CCDC85C: variants seen among roughly 807,000 people sequenced by gnomAD.
CCDC85C encodes the protein coiled-coil domain containing 85C.
CCDC85C carries 18 observed loss-of-function variants against 38.3 expected under a neutral mutation model. That is an observed-to-expected ratio of 0.47 (90% confidence interval 0.33 to 0.70). The LOEUF (loss-of-function observed/expected upper bound fraction) is 0.70. CCDC85C is among the 30% of genes least tolerant of loss of function. CCDC85C has a pLI of 0.03. For missense variants in CCDC85C, 566 were observed against 621.2 expected (o/e 0.91, Z 0.94); for synonymous variants, 264 against 293.8 (o/e 0.90, Z 1.04).
chr14:99,541,732 C>A (rs189260102), intron 1 of CCDC85C, among the ~76,000 whole-genome samples: 3,780 of 152,256 alleles, frequency 0.025, 166 homozygotes, highest in African/African-American at 0.086. Flanking sequence ...GCCGTGGGCT[C>A]AGAAACAGGA....
rs1897162950 is a variant in CCDC85C, at chr14:99,512,962, G to A, written c.*2284C>T. 1 of 152,242 alleles carries A rather than the reference G, an allele frequency of 6.6e-6. No individual in the cohort carries two copies. The highest frequency in any genetic ancestry group is 1.5e-5 in the Non-Finnish European group (1 of 68,048). 9.4% of individuals were successfully genotyped at this position (152,242 alleles called of 1,614,324 possible). A position where few individuals can be genotyped will look rare whatever the true frequency, so the allele number is the denominator to read the frequency against. On this transcript the variant is annotated 3_prime_UTR_variant, in exon 6 of 6. Transcript: ENST00000380243. ...TTTGAGATGTGACAGTCGCCGACAG[G>A]GTTCTGTCCTAGAAAGCCATCCCAG...
Position 99,503,113 on chromosome 14 carries a change from T to TC in CCDC85C, c.*12132dup. 9.4e-7 allele frequency: 1 copy of TC among 1,062,998 alleles called. No individual in the cohort carries two copies. Among genetic ancestry groups the TC allele is most frequent in the East Asian group, 2.4e-5 (1 of 42,096 alleles). 65.8% of individuals were successfully genotyped at this position (1,062,998 alleles called of 1,614,324 possible). On this transcript the variant is annotated 3_prime_UTR_variant, in exon 6 of 6. Transcript: ENST00000380243. ...AGGGGGTGTTCGCCGAAACTCGCAG[T>TC]CCGACTGCTTGTCGGTGGGGAGCCT...
chr14:99,590,598 T>A (rs1243785335), intron 1 of CCDC85C, among the ~76,000 whole-genome samples: 3 of 151,998 alleles, frequency 2.0e-5, no homozygotes, highest in Admixed American at 6.5e-5. Flanking sequence ...TTCCTGGTGG[T>A]CTAGTGGCTT....
intron 1 of CCDC85C, among the ~76,000 whole-genome samples, chr14:99,585,235 G>A (rs2055014078): frequency 6.6e-6 from 1 of 152,198 alleles, no homozygotes; most frequent in Non-Finnish European, 1.5e-5. Context: ...CTGGGTGCTG[G>A]GGTCAAAGGT....
chr14:99,525,355 C>A lies in CCDC85C; in HGVS notation c.868-3115G>T, dbSNP rs562612924. Among the ~76,000 whole-genome samples the A allele has an allele frequency of 2.0e-5, 3 of 152,268 alleles. No homozygotes were observed. In the East Asian group the frequency reaches 5.8e-4, roughly 29 times the overall value. ...TATGTGGGGCCACCCTGGGGTGACC[C>A]CTAGGGAGCATTGTCAGAGGGGATG... On this transcript the variant is annotated intron_variant, in intron 2 of 5. Coordinates refer to ENST00000380243, the MANE Select transcript of CCDC85C (RefSeq NM_001144995.2).
At chr14:99,549,038 C>T (rs1390036813) in intron 1 of CCDC85C, among the ~76,000 whole-genome samples, 2 of 152,114 alleles carry the variant, frequency 1.3e-5, no homozygotes, top group Non-Finnish European at 2.9e-5. Flanking sequence ...TGGGAAAAGT[C>T]GGGGAGGGAG....
intron 1 of CCDC85C, among the ~76,000 whole-genome samples, chr14:99,593,372 G>A (rs897607354): frequency 2.0e-5 from 3 of 152,214 alleles, no homozygotes; most frequent in Admixed American, 6.5e-5. Flanking sequence ...CGGTGCCACC[G>A]GCCCTGCCTG....
rs566196761 is a variant in CCDC85C at position 99,502,129 on chromosome 14, T to G, written c.*13117A>C. Reference sequence around the variant, plus strand: ...GGAGAATAAGCAAATTAATGGTTAGTTATGGCATCTCCATGCACTGGTTTA... The same window carrying G: ...GGAGAATAAGCAAATTAATGGTTAGGTATGGCATCTCCATGCACTGGTTTA... On this transcript the variant is annotated 3_prime_UTR_variant, in exon 6 of 6. Transcript: ENST00000380243. 7.0e-7 allele frequency: 1 copy of G among 1,419,494 alleles called. No homozygotes were observed. The highest frequency in any genetic ancestry group is 2.8e-5 in the Admixed American group (1 of 35,844). The allele number at this position is 1,419,494 out of a possible 1,614,324, so 87.9% of individuals were successfully genotyped here.
At position 99,511,748 on chromosome 14, in the gene CCDC85C, G is replaced by A. The variant is rs1897135441; in HGVS notation, c.*3498C>T. ...GTGCCTGCCTTGGTTTCCTTTGGAG[G>A]ACCTGGTTGAGTTCCAAACCAGTTT... On this transcript the variant is annotated 3_prime_UTR_variant, in exon 6 of 6. Transcript: ENST00000380243. The A allele has an allele frequency of 6.5e-6, 1 of 152,710 alleles. No individual in the cohort carries two copies. Among genetic ancestry groups the A allele is most frequent in the Admixed American group, 6.5e-5 (1 of 15,288 alleles). 9.5% of individuals were successfully genotyped at this position (152,710 alleles called of 1,614,324 possible). A position where few individuals can be genotyped will look rare whatever the true frequency, so the allele number is the denominator to read the frequency against.
At chr14:99,526,795 A>G (rs147793835) in intron 2 of CCDC85C, among the ~76,000 whole-genome samples, 4 of 152,276 alleles carry the variant, frequency 2.6e-5, no homozygotes, top group African/African-American at 9.6e-5. Context: ...GTGCTGGAAG[A>G]CAGTGCACCC....
Position 99,548,514 on chromosome 14 carries a change from G to A in CCDC85C, c.794-12426C>T, listed in dbSNP as rs1360404543. Among the ~76,000 whole-genome samples the A allele has an allele frequency of 6.6e-6, 1 of 151,964 alleles. No individual in the cohort carries two copies. The highest frequency in any genetic ancestry group is 1.5e-5 in the Non-Finnish European group (1 of 68,006). On this transcript the variant is annotated intron_variant, in intron 1 of 5. Coordinates refer to ENST00000380243, the MANE Select transcript of CCDC85C (RefSeq NM_001144995.2). This position sits in a 1 kb window ranked among gnomAD's most constrained non-coding sequence, Gnocchi z 4.9. The stretch of plus-strand genomic sequence containing the variant: ...ATGCTCACACCCTTGACAAAGCCCA[G>A]CACAAGCGCCCAACGAGACAGGCAC...
intron 1 of CCDC85C, among the ~76,000 whole-genome samples, chr14:99,578,767 T>A (rs1446843537): frequency 6.6e-6 from 1 of 152,224 alleles, no homozygotes; most frequent in Non-Finnish European, 1.5e-5. Context: ...TTTCCTCTAA[T>A]ACAAGCGCTG....
chr14:99,540,846 C>T (rs943199064), intron 1 of CCDC85C, among the ~76,000 whole-genome samples: 2 of 152,170 alleles, frequency 1.3e-5, no homozygotes, highest in African/African-American at 4.8e-5. Flanking sequence ...TGGGGGGAGT[C>T]ACAGAGCCTG....
At position 99,513,565 on chromosome 14, in the gene CCDC85C, G is replaced by T. The variant is rs1897173373; in HGVS notation, c.*1681C>A. The T allele has an allele frequency of 6.6e-6, 1 of 152,312 alleles. No individual in the cohort carries two copies. The highest frequency in any genetic ancestry group is 2.4e-5 in the African/African-American group (1 of 41,448). 9.4% of individuals were successfully genotyped at this position (152,312 alleles called of 1,614,324 possible). A position where few individuals can be genotyped will look rare whatever the true frequency, so the allele number is the denominator to read the frequency against. ...TGAGCCTTTCCCCTGAGAGCAAACG[G>T]GCAGCAAGAACTGCTCAGAATAGAG... On this transcript the variant is annotated 3_prime_UTR_variant, in exon 6 of 6. Coordinates refer to ENST00000380243, the MANE Select transcript of CCDC85C (RefSeq NM_001144995.2).
In CCDC85C at chr14:99,500,936, C is replaced by A; in HGVS notation, c.*14310G>T. ...ATCAAGTCTTTATAATTTGATGACACTCAAATTACGCTTCTCAAAAGCGGA... is the reference window on the plus strand; with the variant it reads ...ATCAAGTCTTTATAATTTGATGACAATCAAATTACGCTTCTCAAAAGCGGA... On this transcript the variant is annotated 3_prime_UTR_variant, in exon 6 of 6. Coordinates refer to ENST00000380243, the MANE Select transcript of CCDC85C (RefSeq NM_001144995.2). 1 of 981,254 alleles carries A rather than the reference C, an allele frequency of 1.0e-6. No individual in the cohort carries two copies. The highest frequency in any genetic ancestry group is 1.5e-6 in the Non-Finnish European group (1 of 647,642). 60.8% of individuals were successfully genotyped at this position (981,254 alleles called of 1,614,324 possible).
intron 1 of CCDC85C, among the ~76,000 whole-genome samples, chr14:99,587,706 C>T (rs554154904): frequency 3.9e-5 from 6 of 152,148 alleles, no homozygotes; most frequent in African/African-American, 1.2e-4. Flanking sequence ...GGAGGCAGGC[C>T]GGCCAAGCAG....
At chr14:99,555,886 C>T (rs1445798147) in intron 1 of CCDC85C, among the ~76,000 whole-genome samples, 1 of 152,238 alleles carries the variant, frequency 6.6e-6, no homozygotes, top group African/African-American at 2.4e-5. Context: ...CCAAGATGCA[C>T]ACCTCAGGTT....
At chr14:99,601,935 C>T (rs188811078) in intron 1 of CCDC85C, among the ~76,000 whole-genome samples, 1 of 146,804 alleles carries the variant, frequency 6.8e-6, no homozygotes, top group East Asian at 2.1e-4. Context: ...CACCCCAACA[C>T]GTCTGCAGAG....
In CCDC85C at chr14:99,589,225, C is replaced by A. The variant is rs753976574; in HGVS notation, c.793+13942G>T. ...CCACGGCCGGGATCAACAGAGTGAG[C>A]CCTGAGGACAGCAGGCAGGGGGGAG... On this transcript the variant is annotated intron_variant, in intron 1 of 5. Transcript: ENST00000380243. Among the ~76,000 whole-genome samples the A allele has an allele frequency of 3.2e-4, 48 of 151,940 alleles. No individual in the cohort carries two copies. In the Middle Eastern group the frequency reaches 0.017, roughly 54 times the overall value.
Sources: gnomAD v4.1 joint callset for allele counts (sites outside exome capture counted in the v4.1 genomes callset) on GRCh38, gnomAD v4.1.1 for gene constraint, Gnocchi (gnomAD v3.1) non-coding constraint, MANE v1.5 for transcripts, NCBI Gene and HGNC (gene_info 2026-07-23, HGNC 2026-07-21) for gene names.